The following IPCEF1 variants were observed in gnomAD, a reference collection of about 807,000 sequenced individuals.
IPCEF1 encodes interactor protein for cytohesin exchange factors 1.
Under a neutral mutation model 50.9 loss-of-function variants are expected in IPCEF1, and 31 were observed. The observed-to-expected ratio is 0.61, with a 90% CI of 0.46 to 0.82. IPCEF1 has a LOEUF of 0.82. IPCEF1 is among the 40% of genes least tolerant of loss of function. IPCEF1 has a pLI of 0.00. For missense variants in IPCEF1, 458 were observed against 514.0 expected, an observed-to-expected ratio of 0.89 and a Z score of 1.05; for synonymous variants, 181 against 192.0, an observed-to-expected ratio of 0.94 and a Z score of 0.47.
At chr6:154,322,261 A>C (rs1435310740) in intron 1 of IPCEF1, among the ~76,000 whole-genome samples, 1 of 152,192 alleles carries the variant, frequency 6.6e-6, no homozygotes, top group Non-Finnish European at 1.5e-5. Context: ...TCACACCTGT[A>C]ATCCCAGCAT....
At position 154,195,343 on chromosome 6, in the gene IPCEF1, T is replaced by C. The variant is rs1323046308; in HGVS notation, c.910+4325A>G. 2.0e-5 allele frequency among the ~76,000 whole-genome samples: 3 copies of C among 152,078 alleles called. No individual in the cohort carries two copies. In the East Asian group the frequency reaches 5.8e-4, roughly 29 times the overall value. ...TTTGTGTTTTTAATAGAGATGGGGT[T>C]TCACCATGTTAGCCAGGATGGTCTC... On this transcript the variant is annotated intron_variant, in intron 10 of 11. Transcript: ENST00000367220.
chr6:154,216,690 A>ACTCC lies in IPCEF1; in HGVS notation c.393-2415_393-2414insGGAG, dbSNP rs1778422735. On this transcript the variant is annotated intron_variant, in intron 7 of 11. Transcript: ENST00000367220. ...GGAGACCAGCCTGACCAACATGGTG[A>ACTCC]AACCCTGTCTTTACCAAAAATACAA... Among the ~76,000 whole-genome samples the ACTCC allele has an allele frequency of 1.2e-4, 18 of 152,194 alleles. No homozygotes were observed. The South Asian group carries it at 3.5e-3, about 30-fold the overall frequency.
At chr6:154,246,354 C>T (rs776063137) in intron 5 of IPCEF1, among the ~76,000 whole-genome samples, 15 of 152,130 alleles carry the variant, frequency 9.9e-5, no homozygotes, top group Non-Finnish European at 1.9e-4. Flanking sequence ...ATGTAAATGT[C>T]GACACTCCCT....
chr6:154,351,704 G>A (rs916261623), intron 1 of IPCEF1, among the ~76,000 whole-genome samples: 3 of 152,116 alleles, frequency 2.0e-5, no homozygotes, highest in African/African-American at 7.2e-5. Context: ...CTATTGTGGT[G>A]GTTTGAGGCA....
intron 9 of IPCEF1, among the ~76,000 whole-genome samples, chr6:154,212,078 C>T (rs546771780): frequency 1.1e-4 from 17 of 152,220 alleles, no homozygotes; most frequent in Non-Finnish European, 2.1e-4. Flanking sequence ...AAAGCACCTA[C>T]ATACATCCTA....
At chr6:154,176,328 T>C (rs930194083) in intron 10 of IPCEF1, among the ~76,000 whole-genome samples, 1 of 152,124 alleles carries the variant, frequency 6.6e-6, no homozygotes, top group Non-Finnish European at 1.5e-5. Context: ...GCCAAAGCAA[T>C]CAGACAAGAG....
At chr6:154,278,474 C>T (rs1410662143) in intron 2 of IPCEF1, among the ~76,000 whole-genome samples, 1 of 152,118 alleles carries the variant, frequency 6.6e-6, no homozygotes, top group East Asian at 1.9e-4. Flanking sequence ...TCCTAGCCAC[C>T]CCAGCTAAAG....
chr6:154,308,248 G>A (rs928685022), intron 1 of IPCEF1, among the ~76,000 whole-genome samples: 2 of 152,174 alleles, frequency 1.3e-5, no homozygotes, highest in African/African-American at 4.8e-5. Context: ...CCAAGTAGCT[G>A]GGACTATTGG....
intron 3 of IPCEF1, among the ~76,000 whole-genome samples, chr6:154,262,999 C>T (rs145625545): frequency 0.013 from 1,948 of 152,144 alleles, 22 homozygotes; most frequent in South Asian, 0.037. Flanking sequence ...TGGTCTCCAT[C>T]TCCTGACCTT....
At chr6:154,306,346 C>T (rs1248017607) in intron 1 of IPCEF1, among the ~76,000 whole-genome samples, 1 of 147,418 alleles carries the variant, frequency 6.8e-6, no homozygotes, top group Non-Finnish European at 1.5e-5. Flanking sequence ...CAGCACAATC[C>T]TTTCATTTCT....
chr6:154,290,824 G>A (rs982239146), intron 1 of IPCEF1, among the ~76,000 whole-genome samples: 14 of 151,368 alleles, frequency 9.2e-5, no homozygotes, highest in South Asian at 2.1e-4. Context: ...TAAATACCAC[G>A]AAAGATGTGC....
intron 10 of IPCEF1, among the ~76,000 whole-genome samples, chr6:154,196,099 C>G (rs9384188): frequency 0.055 from 8,385 of 152,150 alleles, 338 homozygotes; most frequent in South Asian, 0.2. Context: ...CCCCCTGGTT[C>G]ACATTTTATT....
chr6:154,324,193 G>T (rs1001165670), intron 1 of IPCEF1, among the ~76,000 whole-genome samples: 5 of 152,138 alleles, frequency 3.3e-5, no homozygotes, highest in Non-Finnish European at 5.9e-5. Context: ...TATCCAACTG[G>T]CTAGCCATCT....
chr6:154,334,830 T>A (rs1783755271), intron 1 of IPCEF1, among the ~76,000 whole-genome samples: 2 of 152,202 alleles, frequency 1.3e-5, no homozygotes, highest in Admixed American at 1.3e-4. Flanking sequence ...GCTCAGAAAC[T>A]GATACCTCAA....
chr6:154,195,765 T>C (rs1776565122), intron 10 of IPCEF1, among the ~76,000 whole-genome samples: 1 of 151,614 alleles, frequency 6.6e-6, no homozygotes, highest in Admixed American at 6.6e-5. Flanking sequence ...TAACATTTTT[T>C]AGACCAGAAT....
intron 2 of IPCEF1, among the ~76,000 whole-genome samples, chr6:154,285,869 T>C (rs1782347662): frequency 6.6e-6 from 1 of 152,180 alleles, no homozygotes; most frequent in African/African-American, 2.4e-5. Context: ...ATTGACACCT[T>C]GAATCACTTG....
chr6:154,231,590 G>A (rs997855951), intron 5 of IPCEF1, among the ~76,000 whole-genome samples: 5 of 152,210 alleles, frequency 3.3e-5, no homozygotes, highest in African/African-American at 9.6e-5. Flanking sequence ...AGGACATAGT[G>A]AGAGAAAAAG....
intron 1 of IPCEF1, among the ~76,000 whole-genome samples, chr6:154,348,535 A>G (rs766046865): frequency 2.0e-5 from 3 of 152,228 alleles, no homozygotes; most frequent in Non-Finnish European, 2.9e-5. Flanking sequence ...TTAGGTACTC[A>G]ATAAGTATTT....
At chr6:154,259,652 A>C (rs1400233527) in intron 3 of IPCEF1, among the ~76,000 whole-genome samples, 1 of 152,086 alleles carries the variant, frequency 6.6e-6, no homozygotes, top group Non-Finnish European at 1.5e-5. Context: ...AACTCTGTCT[A>C]AAAATAAATA....
Sources: allele counts gnomAD v4.1 joint callset (sites outside exome capture counted in the v4.1 genomes callset), GRCh38; gene constraint gnomAD v4.1.1; transcripts MANE v1.5; gene names NCBI Gene and HGNC (gene_info 2026-07-23, HGNC 2026-07-21).